IL15RA: variants seen among roughly 807,000 people sequenced by gnomAD.
IL15RA encodes the protein interleukin 15 receptor subunit alpha.
IL15RA carries 26 observed loss-of-function variants against 24.2 expected under a neutral mutation model. The ratio of observed to expected loss-of-function variants is 1.07; its 90% CI spans 0.79 to 1.49. The LOEUF (loss-of-function observed/expected upper bound fraction) is 1.49, where lower values mean the gene tolerates loss of function less well. Among genes scored for constraint, IL15RA ranks in the 40% most tolerant of loss-of-function variants. The pLI is 0.00. For missense variants in IL15RA, 354 were observed against 356.4 expected (o/e 0.99, Z 0.05); for synonymous variants, 166 against 157.6 (o/e 1.05, Z -0.40).
chr10:5,977,658 C>G, upstream of IL15RA: 2 of 1,246,912 alleles, frequency 1.6e-6, no homozygotes, highest in Non-Finnish European at 2.0e-6. Flanking sequence ...GTGACAGATC[C>G]GTGACTCAGC....
upstream of IL15RA, chr10:5,977,756 G>T (rs8177627): frequency 1.8e-3 from 1,474 of 816,648 alleles, 23 homozygotes; most frequent in African/African-American, 0.024. Context: ...GGCCGTGCCC[G>T]GTGGGGACCC....
rs551359664 is a variant in IL15RA at position 5,966,465 on chromosome 10, G to T, written c.89-126C>A. The stretch of plus-strand genomic sequence containing the variant: ...GGGTGCCTCAGGACAAGCCCCAGGT[G>T]CCAGGCACGTGGAGGATGTACAGGA... On this transcript the variant is annotated intron_variant, in intron 1 of 6. Coordinates refer to ENST00000379977, the MANE Select transcript of IL15RA (RefSeq NM_002189.4). The surrounding 1 kb of genome is among the most constrained non-coding windows in gnomAD (Gnocchi z 6.4). The T allele has an allele frequency of 5.7e-6, 4 of 704,666 alleles. No individual in the cohort carries two copies. The South Asian group carries it at 5.8e-5, about 10-fold the overall frequency. The allele number at this position is 704,666 out of a possible 1,614,324, so 43.7% of individuals were successfully genotyped here.
In IL15RA at chr10:5,967,604, T is replaced by G. The variant is rs1210650213; in HGVS notation, c.89-1265A>C. On this transcript the variant is annotated intron_variant, in intron 1 of 6. Transcript: ENST00000379977. The surrounding 1 kb of genome is among the most constrained non-coding windows in gnomAD (Gnocchi z 4.4). ...GCTTTCAGCTCTGGTTGGTCATTCA[T>G]ACATTTTGGAATGCTTTCCATTCCC... is the stretch of plus-strand genomic sequence containing the variant. Among the ~76,000 whole-genome samples, 1 of 152,252 alleles carries G rather than the reference T, an allele frequency of 6.6e-6. No individual in the cohort carries two copies. The highest frequency in any genetic ancestry group is 1.5e-5 in the Non-Finnish European group (1 of 68,046).
chr10:5,954,797 G>A (rs8177732), intron 6 of IL15RA, among the ~76,000 whole-genome samples: 9,905 of 152,046 alleles, frequency 0.065, 554 homozygotes, highest in African/African-American at 0.16. Context: ...TCCAAATTCA[G>A]CATTTTATAT....
Position 5,967,186 on chromosome 10 carries a change from GCCTTA to G in IL15RA, c.89-852_89-848del, listed in dbSNP as rs869259242. 0.046 allele frequency among the ~76,000 whole-genome samples: 7,041 copies of G among 151,996 alleles called. 547 individuals carry two copies. Among genetic ancestry groups the G allele is most frequent in the African/African-American group, 0.16 (6,667 of 41,448 alleles). On this transcript the variant is annotated intron_variant, in intron 1 of 6. Coordinates refer to ENST00000379977, the MANE Select transcript of IL15RA (RefSeq NM_002189.4). The surrounding 1 kb of genome is among the most constrained non-coding windows in gnomAD (Gnocchi z 4.4). ...ATCGGGCCTTGCCTTGTCTTGCCTT[GCCTTA>G]CCTTGCCTTACCTTGCCTTGCCTTT...
chr10:5,976,836 C>A (rs1294136025), intron 1 of IL15RA: 1 of 152,188 alleles, frequency 6.6e-6, no homozygotes, highest in Non-Finnish European at 1.5e-5. Flanking sequence ...GTTTCCTGAT[C>A]GCTTAAGAAT....
At chr10:5,969,440 A>G (rs1488097298) in intron 1 of IL15RA, among the ~76,000 whole-genome samples, 1 of 152,130 alleles carries the variant, frequency 6.6e-6, no homozygotes, top group Non-Finnish European at 1.5e-5. Context: ...TGGCATGATC[A>G]TAGCTCACTG....
chr10:5,962,418 CCT>C lies in IL15RA; in HGVS notation c.382+1323_382+1324del, dbSNP rs1260528230. ...ACCAGACTGACCAACATGGTGAAAC[CCT>C]GTCTCTACTAAAAATACAGAAATTA... On this transcript the variant is annotated intron_variant, in intron 3 of 6. Coordinates refer to ENST00000379977, the MANE Select transcript of IL15RA (RefSeq NM_002189.4). The surrounding 1 kb of genome is among the most constrained non-coding windows in gnomAD (Gnocchi z 5.2). 6.6e-6 allele frequency among the ~76,000 whole-genome samples: 1 copy of C among 151,918 alleles called. No individual in the cohort carries two copies. Among genetic ancestry groups the C allele is most frequent in the Non-Finnish European group, 1.5e-5 (1 of 67,978 alleles).
In IL15RA at chr10:5,973,559, G is replaced by A. The variant is rs1162807512; in HGVS notation, c.88+3846C>T. Reference sequence around the variant, plus strand: ...AAAGGTATAAGAGAAGGTCAGTGAAGATAATCTTTTCAATAAAGGGTGCTG... The same window carrying A: ...AAAGGTATAAGAGAAGGTCAGTGAAAATAATCTTTTCAATAAAGGGTGCTG... On this transcript the variant is annotated intron_variant, in intron 1 of 6. Transcript: ENST00000379977. The surrounding 1 kb of genome is among the most constrained non-coding windows in gnomAD (Gnocchi z 4.5). 6.6e-6 allele frequency among the ~76,000 whole-genome samples: 1 copy of A among 152,154 alleles called. No individual in the cohort carries two copies. The highest frequency in any genetic ancestry group is 1.9e-4 in the East Asian group (1 of 5,200).
chr10:5,974,004 G>A (rs1205957743), intron 1 of IL15RA, among the ~76,000 whole-genome samples: 3 of 150,414 alleles, frequency 2.0e-5, no homozygotes, highest in African/African-American at 7.3e-5. Context: ...ATAAGACAGA[G>A]TCAGAAAAAA....
chr10:5,951,141 C>CAAAAAAAAAAAAAAAAAAAAAA (rs60771366), downstream of IL15RA, among the ~76,000 whole-genome samples: 6 of 35,950 alleles, frequency 1.7e-4, no homozygotes, highest in Non-Finnish European at 1.8e-4. Context: ...GACTCAGTCT[C>CAAAAAAAAAAAAAAAAAAAAAA]AAAAAAAAAA....
intron 1 of IL15RA, among the ~76,000 whole-genome samples, chr10:5,969,447 A>G (rs988538649): frequency 6.6e-6 from 1 of 152,176 alleles, no homozygotes; most frequent in African/African-American, 2.4e-5. Flanking sequence ...ATCATAGCTC[A>G]CTGCAGCCTC....
In IL15RA at chr10:5,952,691, GAC is replaced by G. The variant is rs1833983285; in HGVS notation, c.*402_*403del. On this transcript the variant is annotated 3_prime_UTR_variant, in exon 7 of 7. Transcript: ENST00000379977. ...CCACGCCAGGAGAAGCCTTGTAATT[GAC>G]AGAGAGCTTTGGGTATGTCACTTTT... The G allele has an allele frequency of 9.5e-6, 2 of 211,478 alleles. No individual in the cohort carries two copies. 13.1% of individuals were successfully genotyped at this position (211,478 alleles called of 1,614,324 possible).
downstream of IL15RA, among the ~76,000 whole-genome samples, chr10:5,951,141 CAAAAAA>C (rs60771366): frequency 2.8e-5 from 1 of 35,950 alleles, no homozygotes; most frequent in East Asian, 9.7e-4. Flanking sequence ...GACTCAGTCT[CAAAAAA>C]AAAAAAAAAA....
upstream of IL15RA, among the ~76,000 whole-genome samples, chr10:5,978,549 A>G (rs1430512259): frequency 6.6e-6 from 1 of 152,210 alleles, no homozygotes; most frequent in Non-Finnish European, 1.5e-5. The surrounding 1 kb of genome is among the most constrained non-coding windows in gnomAD (Gnocchi z 5.2). Context: ...CCCAAGACAC[A>G]GGTTTACCTT....
Position 5,961,681 on chromosome 10 carries a change from T to A in IL15RA, c.383-1114A>T, listed in dbSNP as rs1242932458. 2.0e-5 allele frequency among the ~76,000 whole-genome samples: 3 copies of A among 152,256 alleles called. No homozygotes were observed. The highest frequency in any genetic ancestry group is 6.5e-5 in the Admixed American group (1 of 15,292). ...AGCGTCTTCCCTGTCTTCCTTGTCC[T>A]TCCCTGGAAGGTGGCTGCCCCTGCA... On this transcript the variant is annotated intron_variant, in intron 3 of 6. Coordinates refer to ENST00000379977, the MANE Select transcript of IL15RA (RefSeq NM_002189.4). This position sits in a 1 kb window ranked among gnomAD's most constrained non-coding sequence, Gnocchi z 5.2.
In IL15RA at chr10:5,952,875, G is replaced by T; in HGVS notation, c.*220C>A. 1.7e-6 allele frequency: 1 copy of T among 600,622 alleles called. No homozygotes were observed. Among genetic ancestry groups the T allele is most frequent in the Non-Finnish European group, 3.0e-6 (1 of 337,958 alleles). The allele number at this position is 600,622 out of a possible 1,614,324, so 37.2% of individuals were successfully genotyped here. A position where few individuals can be genotyped will look rare whatever the true frequency, so the allele number is the denominator to read the frequency against. On this transcript the variant is annotated 3_prime_UTR_variant, in exon 7 of 7. Transcript: ENST00000379977. Reference sequence around the variant, plus strand: ...TGGGAAGCTGGGCCCTGGGTCCAAGGCACGACAGGCAGGCAGGTGGTGCCC... The same window carrying T: ...TGGGAAGCTGGGCCCTGGGTCCAAGTCACGACAGGCAGGCAGGTGGTGCCC...
chr10:5,977,524 C>A lies in IL15RA; in HGVS notation c.-32G>T. On this transcript the variant is annotated 5_prime_UTR_variant, in exon 1 of 7. Coordinates refer to ENST00000379977, the MANE Select transcript of IL15RA (RefSeq NM_002189.4). ...AGCTCCACAGGACACCGCTGGACTC[C>A]CCGGGCGAGCGCTGCCCAGGCCGGG... 1 of 1,311,758 alleles carries A rather than the reference C, an allele frequency of 7.6e-7. No homozygotes were observed. Among genetic ancestry groups the A allele is most frequent in the Non-Finnish European group, 9.7e-7 (1 of 1,030,536 alleles). The allele number at this position is 1,311,758 out of a possible 1,614,324, so 81.3% of individuals were successfully genotyped here.
Position 5,968,519 on chromosome 10 carries a change from G to A in IL15RA, c.89-2180C>T, listed in dbSNP as rs1836997438. 5 of 500,366 alleles carry A rather than the reference G, an allele frequency of 1.0e-5. No individual in the cohort carries two copies. The allele number at this position is 500,366 out of a possible 1,614,324, so 31.0% of individuals were successfully genotyped here. A position where few individuals can be genotyped will look rare whatever the true frequency, so the allele number is the denominator to read the frequency against. On this transcript the variant is annotated intron_variant, in intron 1 of 6. Transcript: ENST00000379977. The surrounding 1 kb of genome is among the most constrained non-coding windows in gnomAD (Gnocchi z 5.4). ...CCAATGAGGACACATCTTCTGCTAA[G>A]CTGATGGCGTGAGAGATGGAGTCGA...
Sources: gnomAD v4.1 joint callset for allele counts (sites outside exome capture counted in the v4.1 genomes callset) on GRCh38, gnomAD v4.1.1 for gene constraint, Gnocchi (gnomAD v3.1) non-coding constraint, MANE v1.5 for transcripts, NCBI Gene and HGNC (gene_info 2026-07-23, HGNC 2026-07-21) for gene names.